The following CCDC150 variants were observed in gnomAD, a reference collection of about 807,000 sequenced individuals.
CCDC150 encodes the protein coiled-coil domain-containing protein 150.
In CCDC150, 151 loss-of-function variants were observed where a neutral mutation model predicts 156.5. That is an observed-to-expected ratio of 0.97 (90% CI 0.85 to 1.10). The LOEUF is 1.10. Among genes scored for constraint, CCDC150 ranks in the 50% least tolerant of loss-of-function variants. CCDC150 has a pLI of 0.00. For missense variants in CCDC150, 1,312 were observed against 1,268.1 expected, an observed-to-expected ratio of 1.03 and a Z score of -0.53; for synonymous variants, 452 against 429.4, an observed-to-expected ratio of 1.05 and a Z score of -0.65.
At chr2:196,731,012 A>G in intron 26 of CCDC150, 67 bp downstream of exon 26, 1 of 1,171,642 alleles carries the variant, frequency 8.5e-7, no homozygotes, top group Non-Finnish European at 1.2e-6. Flanking sequence ...GAAGCAACCC[A>G]AGTCAATGTG....
intron 2 of CCDC150, among the ~76,000 whole-genome samples, 153 bp from the exon 3 acceptor site, chr2:196,656,480 C>T (rs1385399465): frequency 6.6e-6 from 1 of 152,122 alleles, no homozygotes; most frequent in African/African-American, 2.4e-5. Context: ...ATTAGTGTGT[C>T]CCTATGTGGA....
chr2:196,718,652 G>C (rs1697688956), intron 18 of CCDC150, 21 bp downstream of exon 18: 3 of 1,609,646 alleles, frequency 1.9e-6, no homozygotes, highest in Non-Finnish European at 2.5e-6. Context: ...AGTCCCTTCT[G>C]ACCGTCTGTC....
chr2:196,723,344 T>G (rs1159418113), intron 21 of CCDC150, among the ~76,000 whole-genome samples: 4 of 151,970 alleles, frequency 2.6e-5, no homozygotes, highest in African/African-American at 9.7e-5. Flanking sequence ...CTACTAAAAA[T>G]ACATACCTGG....
At chr2:196,677,239 G>A in intron 12 of CCDC150, 54 bp from the exon 13 acceptor site, 1 of 1,149,948 alleles carries the variant, frequency 8.7e-7, no homozygotes. Flanking sequence ...AGTGGAGCCT[G>A]TCAGCTGCTA....
rs192715643 is a variant in CCDC150, at chr2:196,651,741, C to T, written c.177-4892C>T. Reference sequence around the variant, plus strand: ...TTTTGACAATTTGATGATAATGTGTCTGTGTTAGTCCATTGTGCATTGCTA... The same window carrying T: ...TTTTGACAATTTGATGATAATGTGTTTGTGTTAGTCCATTGTGCATTGCTA... On this transcript the variant is annotated intron_variant, in intron 2 of 27. Coordinates refer to ENST00000389175, the MANE Select transcript of CCDC150 (RefSeq NM_001080539.2). Among the ~76,000 whole-genome samples, 126 of 152,202 alleles carry T rather than the reference C, an allele frequency of 8.3e-4. 1 individual carries two copies. The highest frequency in any genetic ancestry group is 1.7e-3 in the Non-Finnish European group (113 of 68,022).
chr2:196,706,113 T>G (rs566479948), intron 15 of CCDC150, among the ~76,000 whole-genome samples: 18 of 152,358 alleles, frequency 1.2e-4, no homozygotes, highest in African/African-American at 4.3e-4. Context: ...CTTGAATCTA[T>G]AAATTACCTT....
intron 15 of CCDC150, among the ~76,000 whole-genome samples, chr2:196,706,836 CA>C (rs755839674): frequency 5.3e-5 from 8 of 152,162 alleles, no homozygotes; most frequent in Non-Finnish European, 1.2e-4. Flanking sequence ...TATGTTGAAC[CA>C]GTCTTGCATC....
At chr2:196,654,118 A>G (rs942908279) in intron 2 of CCDC150, among the ~76,000 whole-genome samples, 13 of 152,104 alleles carry the variant, frequency 8.5e-5, no homozygotes, top group Non-Finnish European at 1.9e-4. Context: ...TGACCCAAAC[A>G]GCTCCCACCA....
rs1487924424 is a variant in CCDC150, at chr2:196,719,677, T to G, written c.2165+11T>G. ...CCTCAAGAAAGAAAGGTACCTGTGG[T>G]TTTTTTTCCCTGTCATTGGTATTGC... On this transcript the variant is annotated intron_variant, in intron 19 of 27. Transcript: ENST00000389175. 20 of 1,587,202 alleles carry G rather than the reference T, an allele frequency of 1.3e-5. No homozygotes were observed. In the East Asian group the frequency reaches 4.1e-4, roughly 32 times the overall value.
intron 2 of CCDC150, among the ~76,000 whole-genome samples, chr2:196,650,725 T>C (rs1484094453): frequency 6.6e-6 from 1 of 152,212 alleles, no homozygotes; most frequent in Non-Finnish European, 1.5e-5. Flanking sequence ...TGCATCTGTG[T>C]TCAGGAATAT....
Position 196,730,866 on chromosome 2 carries a change from A to G in CCDC150, c.2990A>G (p.Glu997Gly). The G allele has an allele frequency of 6.3e-7, 1 of 1,593,866 alleles. No homozygotes were observed. The highest frequency in any genetic ancestry group is 8.5e-7 in the Non-Finnish European group (1 of 1,169,882). The change falls in exon 26 of 28, where the codon GAA becomes GGA. Residue 997 changes from glutamate to glycine, a missense_variant. Physicochemically the swap from Glu to Gly is moderately conservative, Grantham distance 98. Transcript: ENST00000389175. ...QELENRCQEL[E>G]ETVRHLKKCK... ...TTTGTATCACATTTTCAGGAATTGG[A>G]AGAAACTGTCAGACACCTGAAGAAA...
At chr2:196,655,111 T>C (rs565412780) in intron 2 of CCDC150, among the ~76,000 whole-genome samples, 4 of 152,240 alleles carry the variant, frequency 2.6e-5, no homozygotes, top group Non-Finnish European at 5.9e-5. Flanking sequence ...TATTTATCCC[T>C]TACTGCGCTA....
chr2:196,671,740 A>C (rs1028439001), intron 8 of CCDC150, among the ~76,000 whole-genome samples: 2 of 152,014 alleles, frequency 1.3e-5, no homozygotes, highest in Non-Finnish European at 2.9e-5. Flanking sequence ...AAGCTCATTT[A>C]TTTTTAGTGC....
intron 14 of CCDC150, among the ~76,000 whole-genome samples, chr2:196,695,572 G>A (rs753225790): frequency 5.3e-5 from 8 of 152,036 alleles, no homozygotes; most frequent in Non-Finnish European, 8.8e-5. Flanking sequence ...GGTGGGGCGC[G>A]GTGGCTCACA....
chr2:196,711,444 G>T (rs923113419), intron 15 of CCDC150, among the ~76,000 whole-genome samples: 1 of 152,132 alleles, frequency 6.6e-6, no homozygotes, highest in Non-Finnish European at 1.5e-5. Context: ...AAATTTTCCT[G>T]ATTTAGGGGT....
At chr2:196,697,161 A>G (rs1255547067) in intron 14 of CCDC150, among the ~76,000 whole-genome samples, 1 of 152,194 alleles carries the variant, frequency 6.6e-6, no homozygotes, top group Non-Finnish European at 1.5e-5. Flanking sequence ...CCTAATACAT[A>G]ATAGGTGCTT....
intron 19 of CCDC150, 128 bp downstream of exon 19, chr2:196,719,794 G>T: frequency 3.5e-6 from 2 of 570,254 alleles, no homozygotes; most frequent in Non-Finnish European, 5.6e-6. Flanking sequence ...ATGATATGTT[G>T]AAAGAATTCC....
intron 7 of CCDC150, chr2:196,667,937 G>A (rs1693945945): frequency 6.6e-6 from 1 of 152,140 alleles, no homozygotes; most frequent in African/African-American, 2.4e-5. Context: ...TTATGGTGCT[G>A]CCACATTGTC....
chr2:196,731,312 G>A (rs2125722994), intron 26 of CCDC150, among the ~76,000 whole-genome samples: 1 of 151,540 alleles, frequency 6.6e-6, no homozygotes, highest in Non-Finnish European at 1.5e-5. Context: ...AAGTAAAGTA[G>A]ACCCTATTTA....
Sources: allele counts gnomAD v4.1 joint callset (sites outside exome capture counted in the v4.1 genomes callset), GRCh38; gene constraint gnomAD v4.1.1; transcripts MANE v1.5; gene names NCBI Gene and HGNC (gene_info 2026-07-23, HGNC 2026-07-21).